DMBT1: variants seen among roughly 807,000 people sequenced by gnomAD.
DMBT1 encodes scavenger receptor cysteine-rich domain-containing protein DMBT1.
Under a neutral mutation model 252.9 loss-of-function variants are expected in DMBT1, and 198 were observed. The observed-to-expected ratio is 0.78, with a 90% CI of 0.70 to 0.88. The LOEUF (loss-of-function observed/expected upper bound fraction) is 0.88. Among genes scored for constraint, DMBT1 ranks in the 40% least tolerant of loss-of-function variants. The pLI is 0.00. For missense variants in DMBT1, 2,432 were observed against 2,404.7 expected, an observed-to-expected ratio of 1.01 and a Z score of -0.24; for synonymous variants, 990 against 942.7, an observed-to-expected ratio of 1.05 and a Z score of -0.92.
At chr10:122,617,739 G>T (rs1424591997) in intron 40 of DMBT1, among the ~76,000 whole-genome samples, 1 of 151,626 alleles carries the variant, frequency 6.6e-6, no homozygotes, top group Non-Finnish European at 1.5e-5. Flanking sequence ...GCTCCATCCT[G>T]TGTGTGCCCA....
At chr10:122,574,789 G>A (rs2097697279) in intron 6 of DMBT1, among the ~76,000 whole-genome samples, 2 of 152,190 alleles carry the variant, frequency 1.3e-5, no homozygotes, top group Non-Finnish European at 2.9e-5. Context: ...GCCAGGGATG[G>A]GAGTGAGGGG....
At position 122,640,205 on chromosome 10, in the gene DMBT1, A is replaced by G. The variant is rs907208985; in HGVS notation, c.7108A>G (p.Asn2370Asp). 6.2e-7 allele frequency: 1 copy of G among 1,614,056 alleles called. No homozygotes were observed. The highest frequency in any genetic ancestry group is 8.5e-7 in the Non-Finnish European group (1 of 1,179,892). Residue 2370 changes from asparagine to aspartate, a missense_variant, in exon 55 of 56, where the codon AAC becomes GAC. By Grantham distance (23) the Asn-to-Asp change is conservative. This residue lies in a region of DMBT1 where 1,162 missense variants were observed against 1,169.0 expected (regional missense o/e 0.99). Transcript: ENST00000338354. Reference sequence around the variant, plus strand: ...TAATGACACCATCCACGTTGCTAATAACACCATCCAGGTCGAGGAAGTCCA... The same window carrying G: ...TAATGACACCATCCACGTTGCTAATGACACCATCCAGGTCGAGGAAGTCCA... ...IANDTIHVAN[N>D]TIQVEEVQYG... is the part of the protein sequence containing the mutation.
chr10:122,632,896 T>C lies in DMBT1; in HGVS notation c.6397+6T>C. 1 of 1,613,848 alleles carries C rather than the reference T, an allele frequency of 6.2e-7. No individual in the cohort carries two copies. Among genetic ancestry groups the C allele is most frequent in the Non-Finnish European group, 8.5e-7 (1 of 1,179,852 alleles). ...CAACATCACCCGTCCAAACAGTAAG[T>C]TCTGAGCTCCCTGACAAGTCTGTGG... On this transcript the variant is annotated splice_donor_region_variant and intron_variant, in intron 51 of 55. Transcript: ENST00000338354.
chr10:122,599,741 G>A (rs1420114222), intron 26 of DMBT1, among the ~76,000 whole-genome samples: 1 of 152,222 alleles, frequency 6.6e-6, no homozygotes, highest in African/African-American at 2.4e-5. Context: ...GACGGCACAA[G>A]GGATTTTGGC....
In DMBT1 at chr10:122,643,295, T is replaced by C; in HGVS notation, c.7526T>C (p.Leu2509Ser). ...PSSRCYRGCV[L>S]RSKRDVGSYQ... ...TCCCGCTGCTACCGAGGCTGTGTGT[T>C]GAGGTCGAAGAGGGATGTGGGCTCC... is the stretch of plus-strand genomic sequence containing the variant. Residue 2509 changes from leucine (L) to serine (S), a missense_variant, in exon 56 of 56, where the codon TTG (leucine) becomes TCG (serine). Coordinates refer to ENST00000338354, the MANE Select transcript of DMBT1 (RefSeq NM_001377530.1). 1.2e-6 allele frequency: 2 copies of C among 1,613,878 alleles called. No homozygotes were observed. Among genetic ancestry groups the C allele is most frequent in the Non-Finnish European group, 1.7e-6 (2 of 1,179,858 alleles).
rs1844965269 is a variant in DMBT1 at position 122,643,625 on chromosome 10, A to G, written c.*227A>G. On this transcript the variant is annotated 3_prime_UTR_variant, in exon 56 of 56. Transcript: ENST00000338354. ...GAGAGTTCTGACCTGGATGGCCCAT[A>G]GACCTGACGTCCCAGAATCCATGCT... 3.4e-6 allele frequency: 2 copies of G among 595,292 alleles called. No individual in the cohort carries two copies. The highest frequency in any genetic ancestry group is 2.8e-5 in the East Asian group (1 of 35,196). The allele number at this position is 595,292 out of a possible 1,614,324, so 36.9% of individuals were successfully genotyped here. A position where few individuals can be genotyped will look rare whatever the true frequency, so the allele number is the denominator to read the frequency against.
Position 122,632,877 on chromosome 10 carries a change from C to T in DMBT1, c.6384C>T (p.Ile2128=), listed in dbSNP as rs143242977. The change falls in exon 51 of 56, where the codon ATC becomes ATT. Residue 2128 remains isoleucine, a synonymous_variant. Transcript: ENST00000338354. The part of the protein sequence containing the change: ...HLSTPAPFLN[I]TRPNTDYSCG... ...TGTCAACAGCTCCTTTTCTCAACAT[C>T]ACCCGTCCAAACAGTAAGTTCTGAG... 2.7e-5 allele frequency: 43 copies of T among 1,613,826 alleles called. No individual in the cohort carries two copies. Among genetic ancestry groups the T allele is most frequent in the Non-Finnish European group, 3.6e-5 (43 of 1,179,882 alleles).
intron 7 of DMBT1, among the ~76,000 whole-genome samples, chr10:122,577,308 A>G (rs926639227): frequency 1.8e-4 from 28 of 152,254 alleles, no homozygotes; most frequent in Non-Finnish European, 3.2e-4. Context: ...GCAATTGTAA[A>G]TAGTTCACTT....
intron 2 of DMBT1, among the ~76,000 whole-genome samples, chr10:122,568,453 C>T (rs2097623548): frequency 6.6e-6 from 1 of 152,044 alleles, no homozygotes; most frequent in Admixed American, 6.5e-5. Context: ...CATGGAAGAA[C>T]AAGGATACTT....
chr10:122,592,945 TA>T (rs1467766408), intron 20 of DMBT1, among the ~76,000 whole-genome samples: 1 of 148,310 alleles, frequency 6.7e-6, no homozygotes, highest in African/African-American at 2.4e-5. Flanking sequence ...GACAGCAAGG[TA>T]GGGGAGGAAT....
chr10:122,641,876 A>G (rs1357549939), intron 55 of DMBT1, among the ~76,000 whole-genome samples: 1 of 152,170 alleles, frequency 6.6e-6, no homozygotes, highest in East Asian at 1.9e-4. Context: ...GTCCATTAGA[A>G]TGACCTGGGG....
At chr10:122,576,258 C>T (rs1050978430) in intron 6 of DMBT1, 141 bp from the exon 7 acceptor site, 2 of 1,274,926 alleles carry the variant, frequency 1.6e-6, no homozygotes, top group African/African-American at 1.5e-5. Flanking sequence ...GAACTCTAAC[C>T]TTAAGGCCTG....
chr10:122,577,984 A>G, intron 8 of DMBT1, 144 bp downstream of exon 8: 1 of 853,788 alleles, frequency 1.2e-6, no homozygotes, highest in South Asian at 1.9e-5. Flanking sequence ...AGACCCTAGC[A>G]TGGGGCTTCT....
At chr10:122,578,812 C>T in intron 9 of DMBT1, 53 bp downstream of exon 9, 1 of 1,508,620 alleles carries the variant, frequency 6.6e-7, no homozygotes, top group Non-Finnish European at 9.1e-7. Context: ...TCTGGATACA[C>T]TTTGGATTTC....
chr10:122,633,154 T>TG, intron 51 of DMBT1, 37 bp from the exon 52 acceptor site: 1 of 1,611,534 alleles, frequency 6.2e-7, no homozygotes, highest in South Asian at 1.1e-5. Flanking sequence ...CAGTGTGCTC[T>TG]GGGGGTCACC....
At chr10:122,590,741 C>G in intron 18 of DMBT1, 47 bp downstream of exon 18, 1 of 1,572,314 alleles carries the variant, frequency 6.4e-7, no homozygotes, top group South Asian at 1.2e-5. Flanking sequence ...TCTTTCTGCA[C>G]AATTATCCTT....
In DMBT1 at chr10:122,621,131, C is replaced by T. The variant is rs201883302; in HGVS notation, c.5359C>T (p.Arg1787Ter). The change falls in exon 44 of 56, where the codon CGA (arginine) becomes TGA (stop). Residue 1787 changes from arginine (R) to a stop codon, truncating the protein, a stop_gained. Coordinates refer to ENST00000338354, the MANE Select transcript of DMBT1 (RefSeq NM_001377530.1). LOFTEE classifies it high-confidence loss of function. ...TCGAGGCCGAGTGGAGGTCCTGTAT[C>T]GAGGCTCCTGGGGAACCGTGTGTGA... Reference protein sequence around the residue: ...RCRGRVEVLYRGSWGTVCDDS... With the variant: ...RCRGRVEVLY The T allele has an allele frequency of 2.2e-5, 36 of 1,613,612 alleles. No homozygotes were observed. In the Admixed American group the frequency reaches 3.5e-4, roughly 16 times the overall value.
chr10:122,628,185 A>G (rs1008676836), intron 46 of DMBT1, among the ~76,000 whole-genome samples: 2 of 152,218 alleles, frequency 1.3e-5, no homozygotes, highest in African/African-American at 4.8e-5. Flanking sequence ...CCCAGGAGAA[A>G]TGAAAACATA....
In DMBT1 at chr10:122,590,076, C is replaced by T. The variant is rs1268426845; in HGVS notation, c.2108-589C>T. On this transcript the variant is annotated intron_variant, in intron 17 of 55. Transcript: ENST00000338354. Reference sequence around the variant, plus strand: ...GATCTCACCGGGAGGAGTCCAGAACCAAAGGCTTATGCTGGGAAGGGAGGG... The same window carrying T: ...GATCTCACCGGGAGGAGTCCAGAACTAAAGGCTTATGCTGGGAAGGGAGGG... Among the ~76,000 whole-genome samples, 2 of 148,508 alleles carry T rather than the reference C, an allele frequency of 1.3e-5. 1 individual carries two copies. Among genetic ancestry groups the T allele is most frequent in the African/African-American group, 4.9e-5 (2 of 41,112 alleles).
Sources: allele counts gnomAD v4.1 joint callset (sites outside exome capture counted in the v4.1 genomes callset), GRCh38; gene constraint gnomAD v4.1.1; regional missense constraint gnomAD v4.1.1; transcripts MANE v1.5; gene names NCBI Gene and HGNC (gene_info 2026-07-23, HGNC 2026-07-21).